Variants in LRRTM4 observed in about 807,000 individuals in gnomAD.
The protein encoded by LRRTM4 is leucine rich repeat transmembrane neuronal 4.
Under a neutral mutation model 47.6 loss-of-function variants are expected in LRRTM4, and 25 were observed. That is an observed-to-expected ratio of 0.53 (90% CI 0.38 to 0.73). The LOEUF (loss-of-function observed/expected upper bound fraction) is 0.73, where lower values mean the gene tolerates loss of function less well. Ranked by LOEUF, LRRTM4 falls within the 30% of genes least tolerant of loss-of-function variation. The pLI is 0.00. For missense variants in LRRTM4, 638 were observed against 713.4 expected, an observed-to-expected ratio of 0.89 and a Z score of 1.20; for synonymous variants, 311 against 269.5, an observed-to-expected ratio of 1.15 and a Z score of -1.51.
chr2:77,303,342 T>C (rs1677184034), intron 3 of LRRTM4, among the ~76,000 whole-genome samples: 1 of 152,218 alleles, frequency 6.6e-6, no homozygotes, highest in Admixed American at 6.5e-5. Flanking sequence ...TTGATTAGTA[T>C]GTACTTAAAA....
chr2:76,798,393 T>C (rs999499172), intron 3 of LRRTM4, among the ~76,000 whole-genome samples: 1 of 151,664 alleles, frequency 6.6e-6, no homozygotes, highest in African/African-American at 2.4e-5. Context: ...GGATGTTCTT[T>C]GAAACCAACG....
chr2:77,299,483 A>G (rs1418584269), intron 3 of LRRTM4, among the ~76,000 whole-genome samples: 2 of 152,132 alleles, frequency 1.3e-5, no homozygotes, highest in East Asian at 1.9e-4. Flanking sequence ...AGGATAATTA[A>G]TTCAACATTA....
chr2:77,469,067 C>G (rs1677088936), intron 3 of LRRTM4, among the ~76,000 whole-genome samples: 1 of 152,198 alleles, frequency 6.6e-6, no homozygotes, highest in South Asian at 2.1e-4. Context: ...GGAAACTGTC[C>G]TTTAATATCC....
intron 3 of LRRTM4, among the ~76,000 whole-genome samples, chr2:77,042,654 T>C (rs2104181324): frequency 7.6e-6 from 1 of 132,170 alleles, no homozygotes; most frequent in East Asian, 2.4e-4. Flanking sequence ...AAAATTAATT[T>C]CATGCCATTC....
At chr2:77,489,112 C>T (rs566910619) in intron 3 of LRRTM4, among the ~76,000 whole-genome samples, 10 of 123,936 alleles carry the variant, frequency 8.1e-5, no homozygotes, top group Non-Finnish European at 1.7e-4. Flanking sequence ...GTTAGTAATA[C>T]ATATAATGAT....
chr2:76,841,579 A>T (rs72819235), intron 3 of LRRTM4, among the ~76,000 whole-genome samples: 1 of 151,538 alleles, frequency 6.6e-6, no homozygotes, highest in Non-Finnish European at 1.5e-5. Context: ...TTTAAATGCA[A>T]TATAATTTCA....
At chr2:77,400,973 ATT>A (rs1293981115) in intron 3 of LRRTM4, among the ~76,000 whole-genome samples, 2 of 151,940 alleles carry the variant, frequency 1.3e-5, no homozygotes, top group African/African-American at 2.4e-5. Context: ...TATAAGTAAA[ATT>A]TTGTTTGCTC....
intron 3 of LRRTM4, among the ~76,000 whole-genome samples, chr2:77,398,302 C>T (rs1458939537): frequency 6.6e-6 from 1 of 151,936 alleles, no homozygotes; most frequent in African/African-American, 2.4e-5. Context: ...AGAACATCTT[C>T]ACTGAAACCT....
intron 3 of LRRTM4, among the ~76,000 whole-genome samples, chr2:77,223,774 G>A (rs533081692): frequency 6.6e-6 from 1 of 152,234 alleles, no homozygotes; most frequent in Admixed American, 6.5e-5. Context: ...CGTGAAAATG[G>A]CCATACTGCC....
intron 3 of LRRTM4, among the ~76,000 whole-genome samples, chr2:76,991,717 C>G (rs1677016565): frequency 6.6e-6 from 1 of 151,692 alleles, no homozygotes; most frequent in Admixed American, 6.6e-5. Flanking sequence ...CAGAGAAGAG[C>G]TGGTACCAAT....
intron 3 of LRRTM4, among the ~76,000 whole-genome samples, chr2:76,848,385 C>T (rs957558978): frequency 6.6e-6 from 1 of 151,920 alleles, no homozygotes; most frequent in African/African-American, 2.4e-5. Context: ...TATTTTTTTG[C>T]ATTAATTAAA....
intron 3 of LRRTM4, among the ~76,000 whole-genome samples, chr2:77,063,235 G>A (rs2103805931): frequency 6.6e-6 from 1 of 152,130 alleles, no homozygotes; most frequent in East Asian, 1.9e-4. Flanking sequence ...TGGGATTATA[G>A]GCGTGAGCCA....
intron 3 of LRRTM4, among the ~76,000 whole-genome samples, chr2:77,054,019 G>C (rs1679522661): frequency 6.6e-6 from 1 of 152,150 alleles, no homozygotes; most frequent in Non-Finnish European, 1.5e-5. Flanking sequence ...ATAAGTTTTG[G>C]AGTTCTGACT....
At chr2:77,251,645 A>C (rs894904960) in intron 3 of LRRTM4, among the ~76,000 whole-genome samples, 7 of 152,152 alleles carry the variant, frequency 4.6e-5, no homozygotes, top group Admixed American at 4.6e-4. Flanking sequence ...CAAATGAAGA[A>C]ATCTGAGATG....
rs532313919 is a variant in LRRTM4 at position 77,492,957 on chromosome 2, C to T, written c.1551+25361G>A. Among the ~76,000 whole-genome samples the T allele has an allele frequency of 1.0e-3, 159 of 151,964 alleles. 1 individual carries two copies. The highest frequency in any genetic ancestry group is 3.4e-3 in the African/African-American group (139 of 41,478). On this transcript the variant is annotated intron_variant, in intron 3 of 3. Transcript: ENST00000409884. ...GTCTCACAAGGTAAAAATGAATTAA[C>T]GTAATAAAATTAGAAATTAATTAGA...
At chr2:77,102,444 A>C (rs925034224) in intron 3 of LRRTM4, among the ~76,000 whole-genome samples, 1 of 152,066 alleles carries the variant, frequency 6.6e-6, no homozygotes, top group Non-Finnish European at 1.5e-5. Context: ...TCAAACTTCC[A>C]CCATTAAGGA....
At chr2:77,338,062 C>T (rs921368251) in intron 3 of LRRTM4, among the ~76,000 whole-genome samples, 5 of 152,030 alleles carry the variant, frequency 3.3e-5, no homozygotes, top group African/African-American at 1.2e-4. Context: ...AAAGTGAAAC[C>T]TTTCCTTATA....
chr2:76,805,676 G>A (rs541648428), intron 3 of LRRTM4, among the ~76,000 whole-genome samples: 28 of 152,244 alleles, frequency 1.8e-4, no homozygotes, highest in African/African-American at 6.0e-4. Flanking sequence ...CCAGAGTTGA[G>A]ATTTAAGATA....
intron 3 of LRRTM4, among the ~76,000 whole-genome samples, chr2:77,356,598 T>G (rs1671977206): frequency 6.6e-6 from 1 of 152,166 alleles, no homozygotes; most frequent in Non-Finnish European, 1.5e-5. Flanking sequence ...TTAAAATGAA[T>G]CATTAAGACA....
Sources: gnomAD v4.1 joint callset for allele counts (sites outside exome capture counted in the v4.1 genomes callset) on GRCh38, gnomAD v4.1.1 for gene constraint, MANE v1.5 for transcripts, NCBI Gene and HGNC (gene_info 2026-07-23, HGNC 2026-07-21) for gene names.